The following LHX2 variants were observed in gnomAD, a reference collection of about 807,000 sequenced individuals.
LHX2 encodes LIM homeobox 2, also known as LIM/homeobox protein Lhx2.
LHX2 carries 6 observed loss-of-function variants against 33.0 expected under a neutral mutation model. The observed-to-expected ratio is 0.18, with a 90% CI of 0.10 to 0.36. The LOEUF (loss-of-function observed/expected upper bound fraction) is 0.36, where lower values mean the gene tolerates loss of function less well. LHX2 is among the 10% of genes least tolerant of loss of function. The pLI is 1.00. For missense variants in LHX2, 442 were observed against 586.2 expected (o/e 0.75, Z 2.54); for synonymous variants, 292 against 253.1 (o/e 1.15, Z -1.46).
At position 124,032,840 on chromosome 9, in the gene LHX2, TA is replaced by T. The variant is rs78148114; in HGVS notation, c.*141del. The T allele has an allele frequency of 1.1e-5, 12 of 1,060,052 alleles. No individual in the cohort carries two copies. Among genetic ancestry groups the T allele is most frequent in the South Asian group, 1.8e-5 (1 of 54,888 alleles). 65.7% of individuals were successfully genotyped at this position (1,060,052 alleles called of 1,614,324 possible). A position where few individuals can be genotyped will look rare whatever the true frequency, so the allele number is the denominator to read the frequency against. On this transcript the variant is annotated 3_prime_UTR_variant, in exon 5 of 5. Coordinates refer to ENST00000373615, the MANE Select transcript of LHX2 (RefSeq NM_004789.4). This position sits in a 1 kb window ranked among gnomAD's most constrained non-coding sequence, Gnocchi z 4.1. ...TTAGGATCTCGCCTGGAAACAGAGGTAAAAAAAAGAAGTGTGCGCCCGGCTA... is the reference window on the plus strand; with the variant it reads ...TTAGGATCTCGCCTGGAAACAGAGGTAAAAAAAGAAGTGTGCGCCCGGCTA...
Position 124,012,037 on chromosome 9 carries a change from CG to C in LHX2, c.-309del, listed in dbSNP as rs1859095877. On this transcript the variant is annotated 5_prime_UTR_variant, in exon 1 of 5. Transcript: ENST00000373615. This position sits in a 1 kb window ranked among gnomAD's most constrained non-coding sequence, Gnocchi z 4.3. ...GCCCGCGGCGTGAAAGCGCCCGCGG[CG>C]GGCGCCGACCTCTGTCCTAGTCTCC... 6.4e-6 allele frequency: 1 copy of C among 155,456 alleles called. No individual in the cohort carries two copies. Among genetic ancestry groups the C allele is most frequent in the African/African-American group, 2.4e-5 (1 of 41,582 alleles). The allele number at this position is 155,456 out of a possible 1,614,324, so 9.6% of individuals were successfully genotyped here.
At position 124,015,154 on chromosome 9, in the gene LHX2, A is replaced by T; in HGVS notation, c.356A>T (p.His119Leu). The T allele has an allele frequency of 6.2e-7, 1 of 1,613,840 alleles. No individual in the cohort carries two copies. The highest frequency in any genetic ancestry group is 8.5e-7 in the Non-Finnish European group (1 of 1,180,018). The change falls in exon 3 of 5, where the codon CAC (histidine) becomes CTC (leucine). Residue 119 changes from histidine (H) to leucine (L), a missense_variant. Physicochemically the swap from His to Leu is moderately conservative, Grantham distance 99. Coordinates refer to ENST00000373615, the MANE Select transcript of LHX2 (RefSeq NM_004789.4). This position sits in a 1 kb window ranked among gnomAD's most constrained non-coding sequence, Gnocchi z 7.9. ...TCTGTGCAGCGCTGCGCCCGCTGCC[A>T]CCTGGGCATCTCGGCCTCGGAGATG... is the stretch of plus-strand genomic sequence containing the variant. ...RFSVQRCARCHLGISASEMVM... is the reference protein window; with the variant it reads ...RFSVQRCARCLLGISASEMVM...
intron 3 of LHX2, among the ~76,000 whole-genome samples, chr9:124,020,290 C>G (rs768352002): frequency 5.3e-4 from 80 of 152,224 alleles, no homozygotes; most frequent in Non-Finnish European, 1.0e-3. Flanking sequence ...ACTTCCTTCC[C>G]CGTCCACTCT....
rs1285143965 is a variant in LHX2 at position 124,013,969 on chromosome 9, G to T, written c.129G>T (p.Pro43=). 1.9e-6 allele frequency: 3 copies of T among 1,612,586 alleles called. No homozygotes were observed. The Admixed American group carries it at 5.0e-5, about 27-fold the overall frequency. ...CCTCCCTCCCTTCGCAGACCATGCC[G>T]TCCATCAGCAGTGACCGCGCCGCGC... is the stretch of plus-strand genomic sequence containing the variant. ...IDRGDTETTM[P]SISSDRAALC... The change falls in exon 2 of 5, where the codon CCG becomes CCT. Residue 43 remains proline (P), a synonymous_variant. Transcript: ENST00000373615.
intron 4 of LHX2, among the ~76,000 whole-genome samples, chr9:124,021,544 A>G (rs945763844): frequency 6.6e-6 from 1 of 151,802 alleles, no homozygotes. Flanking sequence ...CTGTTTGCGT[A>G]TCGCTCCATC....
chr9:124,030,323 G>A (rs1361412979), intron 4 of LHX2, among the ~76,000 whole-genome samples: 1 of 152,252 alleles, frequency 6.6e-6, no homozygotes, highest in Non-Finnish European at 1.5e-5. Context: ...GGGAAGACAG[G>A]CAGATGCAGG....
At chr9:124,028,113 G>C (rs1588352172) in intron 4 of LHX2, among the ~76,000 whole-genome samples, 2 of 152,164 alleles carry the variant, frequency 1.3e-5, no homozygotes, top group South Asian at 4.1e-4. Flanking sequence ...GGATTTGCTG[G>C]GGGCAAAGTG....
At position 124,012,061 on chromosome 9, in the gene LHX2, TC is replaced by T. The variant is rs1049109971; in HGVS notation, c.-286del. The T allele has an allele frequency of 7.4e-5, 12 of 161,818 alleles. No homozygotes were observed. The highest frequency in any genetic ancestry group is 7.1e-4 in the Admixed American group (11 of 15,592). The allele number at this position is 161,818 out of a possible 1,614,324, so 10.0% of individuals were successfully genotyped here. ...GCGGGCGCCGACCTCTGTCCTAGTC[TC>T]CTGCTCCCCCCGCCCCGCTTGTCCC... On this transcript the variant is annotated 5_prime_UTR_variant, in exon 1 of 5. Transcript: ENST00000373615. The surrounding 1 kb of genome is among the most constrained non-coding windows in gnomAD (Gnocchi z 4.3).
intron 4 of LHX2, among the ~76,000 whole-genome samples, chr9:124,022,746 G>A (rs1314768728): frequency 6.6e-6 from 1 of 152,270 alleles, no homozygotes; most frequent in African/African-American, 2.4e-5. Context: ...TGTGGGGCGG[G>A]TGGAGGCTGT....
intron 3 of LHX2, among the ~76,000 whole-genome samples, chr9:124,017,767 G>T (rs928206625): frequency 2.0e-5 from 3 of 151,386 alleles, no homozygotes; most frequent in Non-Finnish European, 4.4e-5. Context: ...GGCGCCGGGC[G>T]CTGGGCTTAC....
chr9:124,015,517 A>G lies in LHX2; in HGVS notation c.719A>G (p.Tyr240Cys), dbSNP rs1481720994. The G allele has an allele frequency of 2.0e-6, 3 of 1,463,458 alleles. No individual in the cohort carries two copies. The highest frequency in any genetic ancestry group is 2.7e-6 in the Non-Finnish European group (3 of 1,107,570). 90.7% of individuals were successfully genotyped at this position (1,463,458 alleles called of 1,614,324 possible). A position where few individuals can be genotyped will look rare whatever the true frequency, so the allele number is the denominator to read the frequency against. The change falls in exon 3 of 5, where the codon TAC becomes TGC. Residue 240 changes from tyrosine to cysteine, a missense_variant. By Grantham distance (194) the Tyr-to-Cys change is radical (BLOSUM62 -2). Coordinates refer to ENST00000373615, the MANE Select transcript of LHX2 (RefSeq NM_004789.4). The surrounding 1 kb of genome is among the most constrained non-coding windows in gnomAD (Gnocchi z 7.9). ...GGCCCCGGTGCGGATCTGGCGGCCT[A>G]CAACGCTGGTGAGTGCGCGGCGCAC... is the stretch of plus-strand genomic sequence containing the variant. ...SPGPGADLAAYNAALSCNEND... is the reference protein window; with the variant it reads ...SPGPGADLAACNAALSCNEND...
intron 3 of LHX2, among the ~76,000 whole-genome samples, chr9:124,020,011 G>A (rs1166671413): frequency 1.3e-5 from 2 of 152,178 alleles, no homozygotes; most frequent in Non-Finnish European, 2.9e-5. Flanking sequence ...TTGTGGTTAG[G>A]GACAGGCTCC....
At position 124,012,130 on chromosome 9, in the gene LHX2, C is replaced by T; in HGVS notation, c.-219C>T. The T allele has an allele frequency of 4.4e-6, 1 of 225,772 alleles. No homozygotes were observed. Among genetic ancestry groups the T allele is most frequent in the Non-Finnish European group, 8.3e-6 (1 of 120,968 alleles). The allele number at this position is 225,772 out of a possible 1,614,324, so 14.0% of individuals were successfully genotyped here. On this transcript the variant is annotated 5_prime_UTR_variant, in exon 1 of 5. Coordinates refer to ENST00000373615, the MANE Select transcript of LHX2 (RefSeq NM_004789.4). The surrounding 1 kb of genome is among the most constrained non-coding windows in gnomAD (Gnocchi z 4.3). ...GCTTTGGCGCCGTCGCCCAGGCGCC[C>T]CGCAATGTAGCTGCCCCTGCGCCTC...
rs2118749075 is a variant in LHX2 at position 124,015,320 on chromosome 9, G to C, written c.522G>C (p.Gln174His). 6.2e-7 allele frequency: 1 copy of C among 1,613,876 alleles called. No homozygotes were observed. Among genetic ancestry groups the C allele is most frequent in the Non-Finnish European group, 8.5e-7 (1 of 1,180,036 alleles). The change falls in exon 3 of 5, where the codon CAG (glutamine) becomes CAC (histidine). Residue 174 changes from glutamine (Q) to histidine (H), a missense_variant. Gln to His is a conservative substitution (Grantham distance 24, BLOSUM62 0). Coordinates refer to ENST00000373615, the MANE Select transcript of LHX2 (RefSeq NM_004789.4). This position sits in a 1 kb window ranked among gnomAD's most constrained non-coding sequence, Gnocchi z 7.9. ...YCRLHFEALL[Q>H]GEYPAHFNHA... is the part of the protein sequence containing the mutation. ...GCTTGCACTTCGAGGCGCTGCTGCAGGGCGAGTACCCCGCACACTTCAACC... is the reference window on the plus strand; with the variant it reads ...GCTTGCACTTCGAGGCGCTGCTGCACGGCGAGTACCCCGCACACTTCAACC...
chr9:124,026,007 T>A (rs1401743161), intron 4 of LHX2, among the ~76,000 whole-genome samples: 2 of 151,912 alleles, frequency 1.3e-5, no homozygotes, highest in Non-Finnish European at 2.9e-5. Context: ...ATAAATAGCA[T>A]CTTTCAGGTG....
chr9:124,024,184 A>C (rs530777324), intron 4 of LHX2, among the ~76,000 whole-genome samples: 1 of 152,360 alleles, frequency 6.6e-6, no homozygotes, highest in East Asian at 1.9e-4. Flanking sequence ...TTCCCAGACC[A>C]CATTTGCACA....
intron 4 of LHX2, among the ~76,000 whole-genome samples, chr9:124,029,210 C>G (rs1393046382): frequency 2.6e-5 from 4 of 152,124 alleles, no homozygotes; most frequent in Non-Finnish European, 5.9e-5. Flanking sequence ...TGGGAATAAC[C>G]TGTGGCAGTG....
At chr9:124,020,292 G>T (rs974363976) in intron 3 of LHX2, among the ~76,000 whole-genome samples, 4 of 151,900 alleles carry the variant, frequency 2.6e-5, no homozygotes, top group African/African-American at 9.7e-5. Flanking sequence ...TTCCTTCCCC[G>T]TCCACTCTGC....
At chr9:124,013,845 C>T in intron 1 of LHX2, 116 bp from the exon 2 acceptor site, 2 of 908,926 alleles carry the variant, frequency 2.2e-6, no homozygotes, top group Non-Finnish European at 3.4e-6. Context: ...TGGCAGCCCC[C>T]TCCGCGTTCA....
Sources: gnomAD v4.1 joint callset for allele counts (sites outside exome capture counted in the v4.1 genomes callset) on GRCh38, gnomAD v4.1.1 for gene constraint, Gnocchi (gnomAD v3.1) non-coding constraint, MANE v1.5 for transcripts, NCBI Gene and HGNC (gene_info 2026-07-23, HGNC 2026-07-21) for gene names.